Variants in TAFA2 observed in about 807,000 individuals in gnomAD.
TAFA2 encodes the protein chemokine-like protein TAFA-2.
In TAFA2, 7 loss-of-function variants were observed where a neutral mutation model predicts 18.8. The ratio of observed to expected loss-of-function variants is 0.37; its 90% CI spans 0.21 to 0.70. TAFA2 has a LOEUF of 0.70. TAFA2 is among the 30% of genes least tolerant of loss of function. The pLI is 0.53. For missense variants in TAFA2, 122 were observed against 158.1 expected, an observed-to-expected ratio of 0.77 and a Z score of 1.23; for synonymous variants, 60 against 54.2, an observed-to-expected ratio of 1.11 and a Z score of -0.47.
intron 1 of TAFA2, among the ~76,000 whole-genome samples, chr12:62,033,478 G>T (rs1296250875): frequency 2.0e-5 from 3 of 151,846 alleles, no homozygotes; most frequent in African/African-American, 7.3e-5. Flanking sequence ...CCTAGACAAA[G>T]ATTTTCTTTC....
chr12:62,166,473 G>T (rs2062440740), intron 1 of TAFA2, among the ~76,000 whole-genome samples: 1 of 152,090 alleles, frequency 6.6e-6, no homozygotes, highest in Admixed American at 6.6e-5. Flanking sequence ...TAATAGTAAA[G>T]GAATGGTAAT....
chr12:61,912,369 T>C (rs779701114), intron 1 of TAFA2, among the ~76,000 whole-genome samples: 1 of 152,232 alleles, frequency 6.6e-6, no homozygotes, highest in African/African-American at 2.4e-5. Context: ...GTTGAAATTA[T>C]AATATTGGAG....
intron 1 of TAFA2, among the ~76,000 whole-genome samples, chr12:61,900,693 C>T (rs1876060323): frequency 6.6e-6 from 1 of 152,176 alleles, no homozygotes; most frequent in Non-Finnish European, 1.5e-5. Flanking sequence ...CATCAGATCC[C>T]TCCCATGACA....
chr12:61,898,027 G>A (rs1396030490), intron 1 of TAFA2, among the ~76,000 whole-genome samples: 6 of 152,194 alleles, frequency 3.9e-5, no homozygotes, highest in Admixed American at 3.9e-4. Context: ...GGGGCTATAG[G>A]CCCCAAGCAA....
intron 1 of TAFA2, among the ~76,000 whole-genome samples, chr12:61,922,341 C>T (rs758214148): frequency 1.3e-5 from 2 of 152,056 alleles, no homozygotes; most frequent in Non-Finnish European, 2.9e-5. Flanking sequence ...CTCCGGTCTG[C>T]AGCTCCCAGC....
At chr12:62,249,520 C>T (rs748754329) in intron 1 of TAFA2, among the ~76,000 whole-genome samples, 44 of 152,162 alleles carry the variant, frequency 2.9e-4, no homozygotes, top group Non-Finnish European at 5.9e-4. Context: ...CACGCTCTCC[C>T]ACTTTTCCTC....
At chr12:61,841,448 C>T (rs543873826) in intron 2 of TAFA2, among the ~76,000 whole-genome samples, 9 of 152,146 alleles carry the variant, frequency 5.9e-5, no homozygotes, top group African/African-American at 2.2e-4. Flanking sequence ...TGTTAAAAAT[C>T]AATAGGCTGT....
At chr12:61,721,036 T>C (rs1194355155) in intron 4 of TAFA2, 8 of 453,090 alleles carry the variant, frequency 1.8e-5, no homozygotes, top group East Asian at 6.5e-5. Flanking sequence ...AAGACAATAA[T>C]GTCCTTTACC....
At chr12:62,133,535 C>T (rs1870773402) in intron 1 of TAFA2, among the ~76,000 whole-genome samples, 1 of 152,004 alleles carries the variant, frequency 6.6e-6, no homozygotes, top group Non-Finnish European at 1.5e-5. Flanking sequence ...CCTCAATCAT[C>T]CCAGAAACCT....
intron 1 of TAFA2, chr12:61,880,619 C>A (rs1045594250): frequency 1.8e-4 from 73 of 414,976 alleles, no homozygotes; most frequent in African/African-American, 1.5e-3. Context: ...CCTCACAAGC[C>A]CCCCTCCTCA....
Position 61,723,064 on chromosome 12 carries a change from C to T in TAFA2, c.385-12647G>A, listed in dbSNP as rs572705807. 1.7e-4 allele frequency among the ~76,000 whole-genome samples: 26 copies of T among 152,244 alleles called. 1 individual carries two copies. In the South Asian group the frequency reaches 5.2e-3, roughly 30 times the overall value. ...TAGTCATGCCTACTTAATCCTAGGA[C>T]TTGATGTGCCCATTCATGTCCCCTG... On this transcript the variant is annotated intron_variant, in intron 4 of 4. Coordinates refer to ENST00000416284, the MANE Select transcript of TAFA2 (RefSeq NM_178539.5).
At chr12:62,207,449 A>C (rs2136971029) in intron 1 of TAFA2, among the ~76,000 whole-genome samples, 1 of 152,036 alleles carries the variant, frequency 6.6e-6, no homozygotes, top group Non-Finnish European at 1.5e-5. Context: ...TGGTCTGTAA[A>C]ATTATCCCTC....
intron 1 of TAFA2, among the ~76,000 whole-genome samples, chr12:62,206,095 G>A (rs1173540491): frequency 2.6e-5 from 4 of 152,074 alleles, no homozygotes; most frequent in Admixed American, 2.6e-4. Flanking sequence ...TCATTTGCCG[G>A]TGCAGGAGTC....
chr12:61,976,918 T>C (rs1049318649), intron 1 of TAFA2, among the ~76,000 whole-genome samples: 1 of 152,098 alleles, frequency 6.6e-6, no homozygotes. Context: ...TAATCCAGTC[T>C]ATCATTGATG....
intron 1 of TAFA2, among the ~76,000 whole-genome samples, chr12:61,877,595 C>T (rs145917236): frequency 3.3e-5 from 5 of 152,284 alleles, no homozygotes; most frequent in Non-Finnish European, 5.9e-5. Context: ...GTCCAAACTA[C>T]AGCCATCGTC....
chr12:61,713,924 C>T (rs7973303), intron 4 of TAFA2, among the ~76,000 whole-genome samples: 68,647 of 151,898 alleles, frequency 0.45, 15,665 homozygotes, highest in African/African-American at 0.5. Flanking sequence ...TATAAGGAAT[C>T]GTTAATATAT....
At position 61,769,045 on chromosome 12, in the gene TAFA2, C is replaced by T. The variant is rs551057163; in HGVS notation, c.107-14021G>A. Reference sequence around the variant, plus strand: ...AATTGTTCTTCAGGCTGCATGGAAGCTGGCTGAGGCCTGTCACTGCCAGCT... The same window carrying T: ...AATTGTTCTTCAGGCTGCATGGAAGTTGGCTGAGGCCTGTCACTGCCAGCT... On this transcript the variant is annotated intron_variant, in intron 2 of 4. Transcript: ENST00000416284. Among the ~76,000 whole-genome samples, 3 of 152,060 alleles carry T rather than the reference C, an allele frequency of 2.0e-5. No individual in the cohort carries two copies. The South Asian group carries it at 6.2e-4, about 32-fold the overall frequency.
intron 1 of TAFA2, among the ~76,000 whole-genome samples, chr12:61,976,676 C>G (rs1879447365): frequency 6.6e-6 from 1 of 151,958 alleles, no homozygotes; most frequent in Non-Finnish European, 1.5e-5. Flanking sequence ...CTAATGCTAT[C>G]CCTCTCCCTA....
At chr12:61,743,932 A>T (rs1868574844) in intron 4 of TAFA2, among the ~76,000 whole-genome samples, 1 of 152,108 alleles carries the variant, frequency 6.6e-6, no homozygotes, top group Admixed American at 6.6e-5. Context: ...CAGAAGCACC[A>T]CTAACTATGG....
Sources: gnomAD v4.1 joint callset for allele counts (sites outside exome capture counted in the v4.1 genomes callset) on GRCh38, gnomAD v4.1.1 for gene constraint, MANE v1.5 for transcripts, NCBI Gene and HGNC (gene_info 2026-07-23, HGNC 2026-07-21) for gene names.